The following XDH variants were observed in gnomAD, a reference collection of about 807,000 sequenced individuals.
The protein encoded by XDH is xanthine dehydrogenase.
A neutral mutation model predicts 156.1 loss-of-function variants in XDH; 138 were observed. The observed-to-expected ratio is 0.88, with a 90% CI of 0.77 to 1.02. XDH has a LOEUF of 1.02. Among genes scored for constraint, XDH ranks in the 50% least tolerant of loss-of-function variants. The pLI, the probability that XDH is intolerant of heterozygous loss-of-function variation, is 0.00. For missense variants in XDH, 1,849 were observed against 1,684.9 expected, an observed-to-expected ratio of 1.10 and a Z score of -1.71; for synonymous variants, 669 against 625.7, an observed-to-expected ratio of 1.07 and a Z score of -1.03.
At chr2:31,345,958 C>T (rs753420324) in intron 30 of XDH, among the ~76,000 whole-genome samples, 1 of 152,136 alleles carries the variant, frequency 6.6e-6, no homozygotes, top group African/African-American at 2.4e-5. Flanking sequence ...GCTATTGGTA[C>T]ACGTGGTATG....
chr2:31,405,525 C>A (rs531170979), intron 2 of XDH, among the ~76,000 whole-genome samples: 1 of 152,242 alleles, frequency 6.6e-6, no homozygotes, highest in East Asian at 1.9e-4. Context: ...CTAGGCAGAG[C>A]TGGAAACATT....
At chr2:31,405,319 C>T (rs1687164880) in intron 2 of XDH, among the ~76,000 whole-genome samples, 1 of 152,106 alleles carries the variant, frequency 6.6e-6, no homozygotes, top group African/African-American at 2.4e-5. Flanking sequence ...TTCCGATACT[C>T]AGAACTAAAG....
At chr2:31,405,403 C>T (rs1343637839) in intron 2 of XDH, among the ~76,000 whole-genome samples, 1 of 152,154 alleles carries the variant, frequency 6.6e-6, no homozygotes, top group Non-Finnish European at 1.5e-5. Context: ...AGGAGTCCCC[C>T]CACCCTCCAG....
Position 31,397,749 on chromosome 2 carries a change from C to G in XDH, c.434-20G>C. 6 of 1,614,114 alleles carry G rather than the reference C, an allele frequency of 3.7e-6. No individual in the cohort carries two copies. The highest frequency in any genetic ancestry group is 5.1e-6 in the Non-Finnish European group (6 of 1,179,984). On this transcript the variant is annotated intron_variant, in intron 5 of 35. Transcript: ENST00000379416. ...GATTTCCTGTGGGCCAAGGAAAAAA[C>G]TGCAATGTCAGTGCAGGGCCCTGGG...
intron 22 of XDH, 109 bp from the exon 23 acceptor site, chr2:31,365,653 G>T: frequency 7.7e-7 from 1 of 1,290,444 alleles, no homozygotes; most frequent in Non-Finnish European, 1.1e-6. Flanking sequence ...CCTGCACGCT[G>T]AGCAGACCTG....
intron 30 of XDH, 77 bp downstream of exon 30, chr2:31,346,692 G>T: frequency 6.5e-7 from 1 of 1,543,886 alleles, no homozygotes; most frequent in South Asian, 1.1e-5. Context: ...CCTATTACTT[G>T]TTCGGATTCG....
At position 31,335,882 on chromosome 2, in the gene XDH, A is replaced by G. The variant is rs1018671337; in HGVS notation, c.*76T>C. The stretch of plus-strand genomic sequence containing the variant: ...GTCATTCTGTGACTTTAATAGATCC[A>G]TGTTCTGTGGTATGTTCCTCCTGCT... On this transcript the variant is annotated 3_prime_UTR_variant, in exon 36 of 36. Transcript: ENST00000379416. 1 of 1,510,182 alleles carries G rather than the reference A, an allele frequency of 6.6e-7. No homozygotes were observed. The highest frequency in any genetic ancestry group is 1.4e-5 in the African/African-American group (1 of 72,704). The allele number at this position is 1,510,182 out of a possible 1,614,324, so 93.5% of individuals were successfully genotyped here.
chr2:31,362,112 T>C (rs72789069), intron 24 of XDH, among the ~76,000 whole-genome samples: 2 of 152,308 alleles, frequency 1.3e-5, no homozygotes, highest in Non-Finnish European at 2.9e-5. Context: ...GGACTGACTA[T>C]GTTGCTTTTC....
intron 9 of XDH, among the ~76,000 whole-genome samples, chr2:31,385,774 G>T (rs1017916034): frequency 1.1e-4 from 16 of 152,164 alleles, no homozygotes; most frequent in Admixed American, 5.2e-4. Context: ...GCACTGACAG[G>T]GCAGGTGGCC....
rs765724627 is a variant in XDH, at chr2:31,365,499, C to A, written c.2502G>T (p.Met834Ile). Residue 834 changes from methionine (M) to isoleucine (I), a missense_variant, in exon 23 of 36, where the codon ATG becomes ATT. Physicochemically the swap from Met to Ile is conservative, Grantham distance 10. Transcript: ENST00000379416. ...AGGGATGTCTGCCACCAGTTATCAG[C>A]ATGTCCTCATCACGGTCCAGCATGC... is the stretch of plus-strand genomic sequence containing the variant. ...VRCMLDRDED[M>I]LITGGRHPFL... The A allele has an allele frequency of 6.2e-7, 1 of 1,614,194 alleles. No individual in the cohort carries two copies. Among genetic ancestry groups the A allele is most frequent in the South Asian group, 1.1e-5 (1 of 91,072 alleles).
At chr2:31,353,040 T>C (rs112979675) in intron 24 of XDH, among the ~76,000 whole-genome samples, 44 of 151,160 alleles carry the variant, frequency 2.9e-4, no homozygotes, top group African/African-American at 9.2e-4. Flanking sequence ...TTTTTTTTTT[T>C]CAAACAAGAA....
chr2:31,399,384 A>G (rs947820788), intron 4 of XDH, among the ~76,000 whole-genome samples: 5 of 152,194 alleles, frequency 3.3e-5, no homozygotes, highest in Non-Finnish European at 7.3e-5. Flanking sequence ...TGAGCAGAGG[A>G]GGAGCAAGTG....
chr2:31,340,241 C>T (rs45539633), intron 33 of XDH, among the ~76,000 whole-genome samples: 1 of 152,162 alleles, frequency 6.6e-6, no homozygotes, highest in Non-Finnish European at 1.5e-5. Flanking sequence ...GAAAAGAAAC[C>T]GACTGGCAAT....
chr2:31,401,878 C>T (rs2148006825), intron 3 of XDH, among the ~76,000 whole-genome samples: 1 of 152,342 alleles, frequency 6.6e-6, no homozygotes, highest in South Asian at 2.1e-4. Context: ...CACTTACATT[C>T]AGCATCAGTT....
chr2:31,370,648 T>C (rs761208165), intron 17 of XDH, among the ~76,000 whole-genome samples, 170 bp from the exon 18 acceptor site: 1 of 152,214 alleles, frequency 6.6e-6, no homozygotes, highest in Non-Finnish European at 1.5e-5. Flanking sequence ...ATTCTGCAAA[T>C]GTTGATTAAA....
chr2:31,337,639 A>G lies in XDH; in HGVS notation c.3951+2T>C. ...TGAGTGGATGCTTGAGGGGCATCAT[A>G]CCAGGGTGGTGAACTTGTCCACGCA... On this transcript the variant is annotated splice_donor_variant, in intron 35 of 35. Coordinates refer to ENST00000379416, the MANE Select transcript of XDH (RefSeq NM_000379.4). LOFTEE classifies it high-confidence loss of function. The G allele has an allele frequency of 6.2e-7, 1 of 1,613,950 alleles. No individual in the cohort carries two copies. Among genetic ancestry groups the G allele is most frequent in the Admixed American group, 1.7e-5 (1 of 60,016 alleles).
intron 17 of XDH, 26 bp from the exon 18 acceptor site, chr2:31,370,504 C>T: frequency 6.2e-7 from 1 of 1,613,618 alleles, no homozygotes; most frequent in Non-Finnish European, 8.5e-7. Flanking sequence ...GTGTGAGGGG[C>T]CAGGTCAGCA....
At position 31,353,530 on chromosome 2, in the gene XDH, A is replaced by G. The variant is rs533653601; in HGVS notation, c.2632-3307T>C. Among the ~76,000 whole-genome samples, 3 of 152,324 alleles carry G rather than the reference A, an allele frequency of 2.0e-5. No individual in the cohort carries two copies. The East Asian group carries it at 5.8e-4, about 29-fold the overall frequency. ...AGGCAGTCCCAGTAGGGACTTTGCAACCCAAGGAATGACATGATGGTGAGT... is the reference window on the plus strand; with the variant it reads ...AGGCAGTCCCAGTAGGGACTTTGCAGCCCAAGGAATGACATGATGGTGAGT... On this transcript the variant is annotated intron_variant, in intron 24 of 35. Coordinates refer to ENST00000379416, the MANE Select transcript of XDH (RefSeq NM_000379.4).
At position 31,401,332 on chromosome 2, in the gene XDH, G is replaced by C; in HGVS notation, c.198-4C>G. On this transcript the variant is annotated splice_polypyrimidine_tract_variant and splice_region_variant and intron_variant, in intron 3 of 35. Coordinates refer to ENST00000379416, the MANE Select transcript of XDH (RefSeq NM_000379.4). ...GCAGGCATTGGCAGAAAAGTGGCTA[G>C]AACCCCAGATTAAGGTCATTCCATT... 6.2e-7 allele frequency: 1 copy of C among 1,613,996 alleles called. No homozygotes were observed. Among genetic ancestry groups the C allele is most frequent in the Non-Finnish European group, 8.5e-7 (1 of 1,179,974 alleles).
Sources: gnomAD v4.1 joint callset for allele counts (sites outside exome capture counted in the v4.1 genomes callset) on GRCh38, gnomAD v4.1.1 for gene constraint, MANE v1.5 for transcripts, NCBI Gene and HGNC (gene_info 2026-07-23, HGNC 2026-07-21) for gene names.